TSHZ2: variants seen among roughly 807,000 people sequenced by gnomAD.
TSHZ2 encodes the protein teashirt homolog 2.
A neutral mutation model predicts 74.4 loss-of-function variants in TSHZ2; 21 were observed. That is an observed-to-expected ratio of 0.28 (90% CI 0.20 to 0.41). The LOEUF (loss-of-function observed/expected upper bound fraction) is 0.41, where lower values mean the gene tolerates loss of function less well. TSHZ2 is among the 10% of genes least tolerant of loss of function. The pLI is 1.00. For missense variants in TSHZ2, 1,244 were observed against 1,293.5 expected (o/e 0.96, Z 0.59); for synonymous variants, 540 against 515.3 (o/e 1.05, Z -0.65).
chr20:53,050,103 G>GTGTGTATATATATATATATATATA (rs1555819290), intron 1 of TSHZ2, among the ~76,000 whole-genome samples: 1 of 116,068 alleles, frequency 8.6e-6, no homozygotes, highest in African/African-American at 3.9e-5. Flanking sequence ...GTATATGTGT[G>GTGTGTATATATATATATATATATA]TATATATATA....
chr20:53,230,409 A>G (rs983358302), intron 1 of TSHZ2, among the ~76,000 whole-genome samples: 5 of 152,090 alleles, frequency 3.3e-5, no homozygotes, highest in African/African-American at 1.2e-4. Context: ...TCACATCAAC[A>G]AAGCAGCCAC....
chr20:53,128,299 A>C (rs1404953301), intron 1 of TSHZ2, among the ~76,000 whole-genome samples: 1 of 152,188 alleles, frequency 6.6e-6, no homozygotes, highest in Non-Finnish European at 1.5e-5. Context: ...TGTTAGAAAA[A>C]TAGAGTAATT....
intron 2 of TSHZ2, among the ~76,000 whole-genome samples, chr20:53,268,074 G>A (rs903097810): frequency 4.6e-5 from 7 of 152,134 alleles, no homozygotes; most frequent in Admixed American, 1.3e-4. Context: ...TGGCCACTTG[G>A]GGATGGAGCC....
At chr20:53,174,264 T>C (rs1003014376) in intron 1 of TSHZ2, among the ~76,000 whole-genome samples, 2 of 152,126 alleles carry the variant, frequency 1.3e-5, no homozygotes, top group South Asian at 2.1e-4. Flanking sequence ...TTGGGTAATA[T>C]TTAAATCTAT....
intron 1 of TSHZ2, among the ~76,000 whole-genome samples, chr20:53,088,564 C>T (rs1985769816): frequency 6.6e-6 from 1 of 152,098 alleles, no homozygotes; most frequent in South Asian, 2.1e-4. Context: ...GCCTTTGTTC[C>T]GCTAAATTGA....
chr20:53,195,201 T>C (rs550884512), intron 1 of TSHZ2, among the ~76,000 whole-genome samples: 153 of 152,260 alleles, frequency 1.0e-3, no homozygotes, highest in African/African-American at 3.5e-3. Context: ...TGGCATTGAA[T>C]GAATGGGCGT....
chr20:53,261,885 T>TA (rs1439895482), intron 2 of TSHZ2, among the ~76,000 whole-genome samples: 2 of 152,212 alleles, frequency 1.3e-5, no homozygotes, highest in Non-Finnish European at 2.9e-5. Flanking sequence ...TCAGCTAAAT[T>TA]AAAAACGTCT....
At chr20:53,127,889 G>A (rs781458862) in intron 1 of TSHZ2, among the ~76,000 whole-genome samples, 6 of 152,152 alleles carry the variant, frequency 3.9e-5, no homozygotes, top group Non-Finnish European at 7.4e-5. Context: ...GATGAGCCAG[G>A]GTGCCCTGCT....
chr20:53,306,263 T>A (rs929979140), intron 2 of TSHZ2, among the ~76,000 whole-genome samples: 1 of 152,170 alleles, frequency 6.6e-6, no homozygotes, highest in Admixed American at 6.5e-5. Context: ...AGCAAACACT[T>A]TCTTGGACCA....
intron 2 of TSHZ2, among the ~76,000 whole-genome samples, chr20:53,298,320 G>T (rs772672242): frequency 6.6e-6 from 1 of 152,194 alleles, no homozygotes; most frequent in Admixed American, 6.5e-5. Flanking sequence ...AATTTCTAAC[G>T]CAGTGTGAAA....
chr20:53,332,524 T>A (rs1361750270), intron 2 of TSHZ2, among the ~76,000 whole-genome samples: 1 of 152,122 alleles, frequency 6.6e-6, no homozygotes. Context: ...GAACCCAAAG[T>A]ATTTTAAATG....
chr20:52,979,088 T>C (rs1393778200), intron 1 of TSHZ2, among the ~76,000 whole-genome samples: 1 of 152,036 alleles, frequency 6.6e-6, no homozygotes, highest in Non-Finnish European at 1.5e-5. Flanking sequence ...AAGTGGAGAG[T>C]ACTTGCTTGC....
At chr20:53,008,016 C>T (rs1982709134) in intron 1 of TSHZ2, among the ~76,000 whole-genome samples, 1 of 151,974 alleles carries the variant, frequency 6.6e-6, no homozygotes, top group Non-Finnish European at 1.5e-5. Flanking sequence ...TTTTGTATCT[C>T]ACACCAAGAA....
At chr20:53,066,517 C>CTTTG (rs557061934) in intron 1 of TSHZ2, among the ~76,000 whole-genome samples, 29 of 152,088 alleles carry the variant, frequency 1.9e-4, no homozygotes, top group East Asian at 1.2e-3. Flanking sequence ...TTGTTTGTTG[C>CTTTG]TTTGTTTGTT....
intron 2 of TSHZ2, among the ~76,000 whole-genome samples, chr20:53,286,539 C>T (rs1382589952): frequency 6.6e-6 from 1 of 151,954 alleles, no homozygotes; most frequent in African/African-American, 2.4e-5. Context: ...CAGAAATAGC[C>T]GGCTTCTCTC....
chr20:53,047,829 C>T (rs768812843), intron 1 of TSHZ2, among the ~76,000 whole-genome samples: 1 of 152,136 alleles, frequency 6.6e-6, no homozygotes, highest in Non-Finnish European at 1.5e-5. Flanking sequence ...AAATAGGTTC[C>T]ATGCATGGAG....
chr20:53,140,198 A>G (rs1987353257), intron 1 of TSHZ2, among the ~76,000 whole-genome samples: 1 of 152,116 alleles, frequency 6.6e-6, no homozygotes, highest in Non-Finnish European at 1.5e-5. Context: ...TATGCAATAT[A>G]TATAATATGA....
chr20:53,099,759 G>T (rs928925775), intron 1 of TSHZ2, among the ~76,000 whole-genome samples: 2 of 152,122 alleles, frequency 1.3e-5, no homozygotes, highest in Non-Finnish European at 2.9e-5. Flanking sequence ...TCACTACTAC[G>T]ACAAGAGTAT....
chr20:53,253,365 C>T lies in TSHZ2; in HGVS notation c.41-134C>T, dbSNP rs1990371454. The T allele has an allele frequency of 3.8e-6, 5 of 1,332,266 alleles. No individual in the cohort carries two copies. In the African/African-American group the frequency reaches 4.4e-5, roughly 12 times the overall value. 82.5% of individuals were successfully genotyped at this position (1,332,266 alleles called of 1,614,324 possible). A position where few individuals can be genotyped will look rare whatever the true frequency, so the allele number is the denominator to read the frequency against. On this transcript the variant is annotated intron_variant, in intron 1 of 2. Coordinates refer to ENST00000371497, the MANE Select transcript of TSHZ2 (RefSeq NM_173485.6). Reference sequence around the variant, plus strand: ...CACCATTTGGCTTTTCCTGTGTCCACTGCTCACAGTGCATAAAAATGTAGA... The same window carrying T: ...CACCATTTGGCTTTTCCTGTGTCCATTGCTCACAGTGCATAAAAATGTAGA...
Sources: allele counts gnomAD v4.1 joint callset (sites outside exome capture counted in the v4.1 genomes callset), GRCh38; gene constraint gnomAD v4.1.1; transcripts MANE v1.5; gene names NCBI Gene and HGNC (gene_info 2026-07-23, HGNC 2026-07-21).